ST6GALNAC3: variants seen among roughly 807,000 people sequenced by gnomAD.
ST6GALNAC3 encodes ST6 N-acetylgalactosaminide alpha-2,6-sialyltransferase 3, also known as alpha-N-acetylgalactosaminide alpha-2,6-sialyltransferase 3.
A neutral mutation model predicts 32.7 loss-of-function variants in ST6GALNAC3; 25 were observed. The ratio of observed to expected loss-of-function variants is 0.76; its 90% CI spans 0.56 to 1.07. The LOEUF is 1.07. Among genes scored for constraint, ST6GALNAC3 ranks in the 50% least tolerant of loss-of-function variants. ST6GALNAC3 has a pLI of 0.00. For synonymous variants in ST6GALNAC3, 129 were observed against 133.1 expected, an observed-to-expected ratio of 0.97 and a Z score of 0.21; for missense variants, 355 against 382.4, an observed-to-expected ratio of 0.93 and a Z score of 0.60.
intron 3 of ST6GALNAC3, among the ~76,000 whole-genome samples, chr1:76,494,556 C>CACAT (rs535847863): frequency 1.4e-5 from 1 of 70,820 alleles, no homozygotes; most frequent in African/African-American, 3.8e-5. Context: ...TATAAACACA[C>CACAT]ACACACACAC....
intron 3 of ST6GALNAC3, among the ~76,000 whole-genome samples, chr1:76,515,394 T>A (rs569418303): frequency 3.3e-4 from 50 of 152,270 alleles, no homozygotes; most frequent in African/African-American, 1.2e-3. Flanking sequence ...TTGTTTTTTT[T>A]AATTTTTTAG....
chr1:76,561,470 G>A (rs1374551142), intron 3 of ST6GALNAC3, among the ~76,000 whole-genome samples: 3 of 151,946 alleles, frequency 2.0e-5, no homozygotes, highest in Non-Finnish European at 4.4e-5. Context: ...AATGATTTTA[G>A]TAGCCATCTC....
At chr1:76,598,489 G>T (rs1399788317) in intron 3 of ST6GALNAC3, among the ~76,000 whole-genome samples, 2 of 152,128 alleles carry the variant, frequency 1.3e-5, no homozygotes, top group African/African-American at 4.8e-5. Flanking sequence ...GCAAAATGTT[G>T]CTTACAGATT....
chr1:76,153,092 A>G (rs1651156496), intron 1 of ST6GALNAC3, among the ~76,000 whole-genome samples: 1 of 152,144 alleles, frequency 6.6e-6, no homozygotes, highest in Non-Finnish European at 1.5e-5. Flanking sequence ...GCTCCTTTTA[A>G]TAGTGGTGTC....
At chr1:76,614,175 G>A (rs1557627275) in intron 3 of ST6GALNAC3, among the ~76,000 whole-genome samples, 1 of 152,212 alleles carries the variant, frequency 6.6e-6, no homozygotes, top group East Asian at 1.9e-4. Flanking sequence ...TTGCCAAAAA[G>A]TAGCCCTTTA....
intron 2 of ST6GALNAC3, among the ~76,000 whole-genome samples, chr1:76,385,548 T>A (rs1179144693): frequency 1.3e-5 from 2 of 152,076 alleles, no homozygotes; most frequent in Non-Finnish European, 2.9e-5. Context: ...TTTTGAGAAT[T>A]AAAAGAATCA....
chr1:76,345,206 A>G (rs949801725), intron 2 of ST6GALNAC3, among the ~76,000 whole-genome samples: 3 of 152,194 alleles, frequency 2.0e-5, no homozygotes, highest in Non-Finnish European at 4.4e-5. Context: ...ATGAGGAGAC[A>G]CTGTCTTCAT....
intron 1 of ST6GALNAC3, among the ~76,000 whole-genome samples, chr1:76,252,099 C>A (rs905771483): frequency 6.6e-6 from 1 of 152,056 alleles, no homozygotes; most frequent in Admixed American, 6.6e-5. Flanking sequence ...ACCAGAAAAA[C>A]CAAATGTGAG....
chr1:76,096,945 G>A (rs1647143173), intron 1 of ST6GALNAC3, among the ~76,000 whole-genome samples: 1 of 144,512 alleles, frequency 6.9e-6, no homozygotes, highest in Non-Finnish European at 1.5e-5. Flanking sequence ...TTGAGACAGA[G>A]TCTCGCTTTT....
chr1:76,121,851 G>A (rs906650083), intron 1 of ST6GALNAC3, among the ~76,000 whole-genome samples: 2 of 152,074 alleles, frequency 1.3e-5, no homozygotes, highest in African/African-American at 4.8e-5. Flanking sequence ...GCCCTTATTG[G>A]CCTTACATTT....
intron 2 of ST6GALNAC3, among the ~76,000 whole-genome samples, chr1:76,382,081 A>C (rs1341504876): frequency 6.6e-6 from 1 of 152,194 alleles, no homozygotes; most frequent in African/African-American, 2.4e-5. Flanking sequence ...AGATTCTAAT[A>C]GTATGGGCAA....
chr1:76,264,122 C>T (rs1190739478), intron 1 of ST6GALNAC3, among the ~76,000 whole-genome samples: 1 of 152,136 alleles, frequency 6.6e-6, no homozygotes, highest in Non-Finnish European at 1.5e-5. Context: ...TACCTCTATT[C>T]CCCACATTTT....
chr1:76,474,726 C>T (rs1299235284), intron 3 of ST6GALNAC3, among the ~76,000 whole-genome samples: 1 of 151,976 alleles, frequency 6.6e-6, no homozygotes, highest in Non-Finnish European at 1.5e-5. Context: ...CTTCTAACTC[C>T]TATATTGAGT....
At chr1:76,229,379 C>T (rs1417579459) in intron 1 of ST6GALNAC3, among the ~76,000 whole-genome samples, 2 of 152,124 alleles carry the variant, frequency 1.3e-5, no homozygotes, top group Admixed American at 6.5e-5. Context: ...GACAGGATGC[C>T]CCACTTCCTG....
At chr1:76,259,413 G>A (rs1299540986) in intron 1 of ST6GALNAC3, among the ~76,000 whole-genome samples, 5 of 152,110 alleles carry the variant, frequency 3.3e-5, no homozygotes, top group South Asian at 4.1e-4. Context: ...CTGTGTCCTC[G>A]TTTCATGTGA....
At chr1:76,088,840 T>C (rs1281951217) in intron 1 of ST6GALNAC3, among the ~76,000 whole-genome samples, 1 of 152,148 alleles carries the variant, frequency 6.6e-6, no homozygotes, top group Non-Finnish European at 1.5e-5. Flanking sequence ...GGCAAAAAAA[T>C]TAGCATGTGC....
intron 2 of ST6GALNAC3, among the ~76,000 whole-genome samples, chr1:76,348,359 A>G (rs1411623958): frequency 6.6e-6 from 1 of 152,188 alleles, no homozygotes; most frequent in Non-Finnish European, 1.5e-5. Flanking sequence ...TAACTTGTAC[A>G]TTCTGATTTC....
intron 2 of ST6GALNAC3, among the ~76,000 whole-genome samples, chr1:76,352,745 C>T (rs977182780): frequency 3.3e-5 from 5 of 152,016 alleles, no homozygotes; most frequent in Non-Finnish European, 5.9e-5. Context: ...GAATTAGGTA[C>T]AGGCTCAAAA....
At chr1:76,172,120 A>G (rs1306075216) in intron 1 of ST6GALNAC3, among the ~76,000 whole-genome samples, 5 of 148,992 alleles carry the variant, frequency 3.4e-5, no homozygotes, top group African/African-American at 1.2e-4. Flanking sequence ...AGCAGCACAT[A>G]AAAAAAAAAC....
Sources: allele counts gnomAD v4.1 joint callset (sites outside exome capture counted in the v4.1 genomes callset), GRCh38; gene constraint gnomAD v4.1.1; transcripts MANE v1.5; gene names NCBI Gene and HGNC (gene_info 2026-07-23, HGNC 2026-07-21).